Variants in LRP2 observed in about 807,000 individuals in gnomAD.
LRP2 encodes the protein low-density lipoprotein receptor-related protein 2.
In LRP2, 172 loss-of-function variants were observed where a neutral mutation model predicts 531.0. That is an observed-to-expected ratio of 0.32 (90% confidence interval 0.29 to 0.37). The LOEUF is 0.37. LRP2 is among the 10% of genes least tolerant of loss of function. The pLI is 1.00. For synonymous variants in LRP2, 1,992 were observed against 2,027.6 expected (o/e 0.98, Z 0.47); for missense variants, 5,167 against 5,868.3 (o/e 0.88, Z 3.90).
intron 50 of LRP2, among the ~76,000 whole-genome samples, chr2:169,183,764 G>C (rs1020370132): frequency 7.9e-5 from 12 of 152,314 alleles, no homozygotes; most frequent in Middle Eastern, 3.4e-3. Flanking sequence ...TGTGCGTAAT[G>C]GTGGTTTAAA....
chr2:169,153,999 A>G (rs1686238875), intron 66 of LRP2, among the ~76,000 whole-genome samples: 1 of 152,222 alleles, frequency 6.6e-6, no homozygotes. Flanking sequence ...TATGTGGTCA[A>G]CTAGCTATAT....
chr2:169,312,872 T>C (rs1377979225), intron 3 of LRP2, among the ~76,000 whole-genome samples: 1 of 152,210 alleles, frequency 6.6e-6, no homozygotes, highest in Admixed American at 6.5e-5. Context: ...TTTCACATAG[T>C]CCCATATTTC....
intron 16 of LRP2, among the ~76,000 whole-genome samples, chr2:169,265,019 A>G (rs1047210502): frequency 6.6e-6 from 1 of 151,980 alleles, no homozygotes; most frequent in Non-Finnish European, 1.5e-5. Context: ...CTCCCAGAAC[A>G]GACCACCATC....
Position 169,207,179 on chromosome 2 carries a change from G to T in LRP2, c.6541C>A (p.Arg2181Ser). Residue 2181 changes from arginine to serine, a missense_variant, in exon 39 of 79, where the codon CGC (arginine) becomes AGC (serine). By Grantham distance (110) the Arg-to-Ser change is moderately radical. Around this residue, in one of 6 missense-constraint regions of LRP2, gnomAD observed 2,811 missense variants for 3,058.0 expected, o/e 0.92. Transcript: ENST00000649046. ...IEVLRINTTY[R>S]RVLLKVTVDM... ...ACTGTGACTTTAAGAAGAACACGGC[G>T]GTAAGTAGTATTGATCCGCAGAACT... 6.2e-7 allele frequency: 1 copy of T among 1,613,818 alleles called. No homozygotes were observed. The highest frequency in any genetic ancestry group is 1.1e-5 in the South Asian group (1 of 90,974).
chr2:169,287,558 T>C (rs1683890686), intron 9 of LRP2, among the ~76,000 whole-genome samples: 1 of 152,052 alleles, frequency 6.6e-6, no homozygotes, highest in Admixed American at 6.6e-5. Flanking sequence ...GAGCAGACTT[T>C]CTCAAGAATT....
chr2:169,203,921 T>C, intron 42 of LRP2, 61 bp downstream of exon 42: 1 of 1,571,788 alleles, frequency 6.4e-7, no homozygotes, highest in Non-Finnish European at 8.7e-7. Context: ...TCAGCTTTCC[T>C]TACCAATTGG....
intron 2 of LRP2, 89 bp downstream of exon 2, chr2:169,320,688 G>T: frequency 1.3e-5 from 14 of 1,077,596 alleles, no homozygotes; most frequent in South Asian, 1.1e-4. Flanking sequence ...TCACTAAAAG[G>T]CATAGCTCTT....
intron 62 of LRP2, among the ~76,000 whole-genome samples, chr2:169,163,943 C>A (rs1333431514): frequency 6.6e-6 from 1 of 152,170 alleles, no homozygotes; most frequent in Non-Finnish European, 1.5e-5. Context: ...TCAATAAATA[C>A]CCTCCACTCC....
rs572824408 is a variant in LRP2 at position 169,196,767 on chromosome 2, C to G, written c.8698+144G>C. On this transcript the variant is annotated intron_variant, in intron 46 of 78. Coordinates refer to ENST00000649046, the MANE Select transcript of LRP2 (RefSeq NM_004525.3). ...CAGGTCTTAATGAATATCCGCTGAGCGGTGTCAGCATTCCAGATGAAAGCT... is the reference window on the plus strand; with the variant it reads ...CAGGTCTTAATGAATATCCGCTGAGGGGTGTCAGCATTCCAGATGAAAGCT... 27 of 1,087,022 alleles carry G rather than the reference C, an allele frequency of 2.5e-5. No homozygotes were observed. The Admixed American group carries it at 4.6e-4, about 18-fold the overall frequency. The allele number at this position is 1,087,022 out of a possible 1,614,324, so 67.3% of individuals were successfully genotyped here.
At chr2:169,336,794 G>T (rs547983653) in intron 1 of LRP2, among the ~76,000 whole-genome samples, 1 of 152,098 alleles carries the variant, frequency 6.6e-6, no homozygotes, top group African/African-American at 2.4e-5. Context: ...GTCCACAACC[G>T]TTTGGCTATC....
At position 169,188,137 on chromosome 2, in the gene LRP2, T is replaced by A; in HGVS notation, c.9161A>T (p.Asp3054Val). 1 of 1,614,168 alleles carries A rather than the reference T, an allele frequency of 6.2e-7. No homozygotes were observed. The change falls in exon 49 of 79, where the codon GAT (aspartate) becomes GTT (valine). Residue 3054 changes from aspartate to valine, a missense_variant. Coordinates refer to ENST00000649046, the MANE Select transcript of LRP2 (RefSeq NM_004525.3). ...ATCAGATCCGTCTCCACAGTCATTA[T>A]CCTCATCACAGACGAAGGTTTTACT... ...CISKTFVCDE[D>V]NDCGDGSDEL...
At chr2:169,142,185 C>A (rs1685746522) in intron 71 of LRP2, among the ~76,000 whole-genome samples, 1 of 152,190 alleles carries the variant, frequency 6.6e-6, no homozygotes, top group Admixed American at 6.5e-5. Context: ...GAATAGATCA[C>A]CCACAGCGTT....
rs762091833 is a variant in LRP2 at position 169,233,520 on chromosome 2, A to G, written c.4989T>C (p.Arg1663=). Residue 1663 remains arginine (R), a synonymous_variant, in exon 30 of 79, where the codon CGT becomes CGC. Coordinates refer to ENST00000649046, the MANE Select transcript of LRP2 (RefSeq NM_004525.3). ...DSVYWTDRAT[R]RVMRANKWHG... is the part of the protein sequence containing the mutation. ...GCCACTTGTTGGCTCGCATAACCCGACGAGTAGCACGGTCAGTCCAGTACA... is the reference window on the plus strand; with the variant it reads ...GCCACTTGTTGGCTCGCATAACCCGGCGAGTAGCACGGTCAGTCCAGTACA... The G allele has an allele frequency of 6.2e-7, 1 of 1,614,114 alleles. No homozygotes were observed. The highest frequency in any genetic ancestry group is 1.7e-5 in the Admixed American group (1 of 60,016).
At chr2:169,333,546 A>G (rs1455405847) in intron 1 of LRP2, among the ~76,000 whole-genome samples, 1 of 152,042 alleles carries the variant, frequency 6.6e-6, no homozygotes, top group Non-Finnish European at 1.5e-5. Flanking sequence ...GGGGGCTACA[A>G]GAGTACTTCT....
In LRP2 at chr2:169,213,329, G is replaced by A. The variant is rs181850105; in HGVS notation, c.6040+328C>T. On this transcript the variant is annotated intron_variant, in intron 36 of 78. Transcript: ENST00000649046. Reference sequence around the variant, plus strand: ...AACAAGACAGACAAAATGCCTGCCCGTACAGAGGTTATATTCTAATAAGTA... The same window carrying A: ...AACAAGACAGACAAAATGCCTGCCCATACAGAGGTTATATTCTAATAAGTA... Among the ~76,000 whole-genome samples the A allele has an allele frequency of 2.2e-3, 333 of 152,198 alleles. 4 individuals carry two copies. Among genetic ancestry groups the A allele is most frequent in the Non-Finnish European group, 3.2e-3 (221 of 68,016 alleles).
chr2:169,220,741 T>C (rs1484515258), intron 33 of LRP2, among the ~76,000 whole-genome samples, 178 bp from the exon 34 acceptor site: 1 of 152,060 alleles, frequency 6.6e-6, no homozygotes, highest in Non-Finnish European at 1.5e-5. Context: ...GGAAATTAGC[T>C]CAATAGAAAA....
chr2:169,226,691 A>G (rs879722050), intron 31 of LRP2, 103 bp from the exon 32 acceptor site: 137 of 838,022 alleles, frequency 1.6e-4, no homozygotes, highest in Admixed American at 1.3e-3. Context: ...GGCTAAAATG[A>G]CATTGCAGCA....
chr2:169,220,887 A>C (rs1218530129), intron 33 of LRP2, among the ~76,000 whole-genome samples: 1 of 152,170 alleles, frequency 6.6e-6, no homozygotes. Context: ...AAGAAACTGC[A>C]AAAATCCTTC....
rs556258008 is a variant in LRP2 at position 169,287,920 on chromosome 2, G to A, written c.1042+1106C>T. Among the ~76,000 whole-genome samples the A allele has an allele frequency of 7.3e-5, 11 of 150,372 alleles. 1 individual carries two copies. The South Asian group carries it at 1.5e-3, about 20-fold the overall frequency. On this transcript the variant is annotated intron_variant, in intron 9 of 78. Coordinates refer to ENST00000649046, the MANE Select transcript of LRP2 (RefSeq NM_004525.3). ...TTTCAGAAGAAATACTTTTCTAGAAGCATTTCTTACACATTTCATGTTTGT... is the reference window on the plus strand; with the variant it reads ...TTTCAGAAGAAATACTTTTCTAGAAACATTTCTTACACATTTCATGTTTGT...
Sources: gnomAD v4.1 joint callset for allele counts (sites outside exome capture counted in the v4.1 genomes callset) on GRCh38, gnomAD v4.1.1 for gene constraint, gnomAD v4.1.1 regional missense constraint, MANE v1.5 for transcripts, NCBI Gene and HGNC (gene_info 2026-07-23, HGNC 2026-07-21) for gene names.